PDE8B: variants seen among roughly 807,000 people sequenced by gnomAD.
The protein encoded by PDE8B is phosphodiesterase 8B.
In PDE8B, 26 loss-of-function variants were observed where a neutral mutation model predicts 101.3. The observed-to-expected ratio is 0.26, with a 90% CI of 0.19 to 0.36. The LOEUF is 0.36. Among genes scored for constraint, PDE8B ranks in the 10% least tolerant of loss-of-function variants. The probability of loss-of-function intolerance (pLI) is 1.00; values close to 1 mark genes in which losing one functional copy is unlikely to be tolerated. For synonymous variants in PDE8B, 424 were observed against 429.3 expected (o/e 0.99, Z 0.15); for missense variants, 810 against 1,163.1 (o/e 0.70, Z 4.42).
intron 10 of PDE8B, among the ~76,000 whole-genome samples, chr5:77,397,778 C>T (rs1791384949): frequency 6.6e-6 from 1 of 152,122 alleles, no homozygotes; most frequent in Non-Finnish European, 1.5e-5. Context: ...ATGAGTAGCC[C>T]TTATAGTAGT....
the PDE8B span, chr5:77,104,768 G>A: frequency 6.6e-6 from 1 of 152,146 alleles, no homozygotes; most frequent in African/African-American, 2.4e-5. Context: ...GTGTTTTTTT[G>A]GTTTTTGGTT....
the PDE8B span, among the ~76,000 whole-genome samples, chr5:77,123,360 C>CA: frequency 2.0e-5 from 3 of 148,294 alleles, no homozygotes; most frequent in Admixed American, 1.3e-4. Context: ...AATTCCTCCC[C>CA]CACCGCCCCC....
At position 77,378,049 on chromosome 5, in the gene PDE8B, C is replaced by CACACACACACACACAT. The variant is rs1554093056; in HGVS notation, c.1168-22199_1168-22198insACACACACACACACAT. 4.2e-3 allele frequency among the ~76,000 whole-genome samples: 625 copies of CACACACACACACACAT among 148,478 alleles called. 15 individuals are homozygous for CACACACACACACACAT. The highest frequency in any genetic ancestry group is 0.015 in the African/African-American group (599 of 39,742). On this transcript the variant is annotated intron_variant, in intron 10 of 21. Transcript: ENST00000264917. The stretch of plus-strand genomic sequence containing the variant: ...ACACACACACACACACACACACACA[C>CACACACACACACACAT]CCCCTGTTGGTTCTTTGTCTAGAGA...
chr5:77,150,226 A>G, the PDE8B span, among the ~76,000 whole-genome samples: 1 of 152,154 alleles, frequency 6.6e-6, no homozygotes, highest in Non-Finnish European at 1.5e-5. Context: ...CATATTTTCA[A>G]GGTAATACTC....
chr5:77,382,435 CT>C (rs1207928491), intron 10 of PDE8B, among the ~76,000 whole-genome samples: 2 of 152,044 alleles, frequency 1.3e-5, no homozygotes, highest in Non-Finnish European at 2.9e-5. Flanking sequence ...AGGTTTTTAA[CT>C]TTTTTTTAAT....
At chr5:77,229,700 G>C (rs1199767074) in intron 1 of PDE8B, among the ~76,000 whole-genome samples, 2 of 152,164 alleles carry the variant, frequency 1.3e-5, no homozygotes, top group African/African-American at 4.8e-5. Flanking sequence ...CAATATGTAG[G>C]GTTTGTGTCT....
At chr5:77,344,351 G>T (rs112421715) in intron 6 of PDE8B, among the ~76,000 whole-genome samples, 11 of 152,196 alleles carry the variant, frequency 7.2e-5, no homozygotes, top group African/African-American at 2.7e-4. Flanking sequence ...TTATAATCTC[G>T]CAGGACCACC....
At chr5:77,390,244 GT>G (rs1789629255) in intron 10 of PDE8B, among the ~76,000 whole-genome samples, 1 of 152,166 alleles carries the variant, frequency 6.6e-6, no homozygotes, top group South Asian at 2.1e-4. Context: ...AAAATCAGAT[GT>G]TTGTAAACAA....
Position 77,210,961 on chromosome 5 carries a change from C to A in PDE8B, c.36C>A (p.Ser12Arg). ...CCCCCAGCATCCATGTCTCGCAGAG[C>A]GGCGTGATCTACTGCCGGGACTCGG... is the stretch of plus-strand genomic sequence containing the variant. ...GCAPSIHVSQ[S>R]GVIYCRDSDE... The change falls in exon 1 of 22, where the codon AGC becomes AGA. Residue 12 changes from serine to arginine, a missense_variant. By Grantham distance (110) the Ser-to-Arg change is moderately radical (BLOSUM62 -1). This residue lies in a region of PDE8B where 159 missense variants were observed against 146.6 expected (regional missense o/e 1.08). Coordinates refer to ENST00000264917, the MANE Select transcript of PDE8B (RefSeq NM_003719.5). This position sits in a 1 kb window ranked among gnomAD's most constrained non-coding sequence, Gnocchi z 4.9. 4 of 1,525,010 alleles carry A rather than the reference C, an allele frequency of 2.6e-6. No individual in the cohort carries two copies. In the South Asian group the frequency reaches 3.6e-5, roughly 14 times the overall value. The allele number at this position is 1,525,010 out of a possible 1,614,324, so 94.5% of individuals were successfully genotyped here.
intron 11 of PDE8B, among the ~76,000 whole-genome samples, chr5:77,401,009 C>G (rs990772244): frequency 4.6e-5 from 7 of 152,152 alleles, no homozygotes; most frequent in Non-Finnish European, 1.0e-4. Context: ...AGTCTCTCTT[C>G]TTGGTGAGGT....
At chr5:77,382,969 G>A (rs1225465464) in intron 10 of PDE8B, among the ~76,000 whole-genome samples, 2 of 152,102 alleles carry the variant, frequency 1.3e-5, no homozygotes, top group Non-Finnish European at 2.9e-5. Context: ...GGGATGGCTG[G>A]GTCAAATGAT....
intron 1 of PDE8B, among the ~76,000 whole-genome samples, chr5:77,278,191 C>A (rs955683481): frequency 6.6e-6 from 1 of 152,198 alleles, no homozygotes; most frequent in African/African-American, 2.4e-5. Flanking sequence ...AGGTAAACGT[C>A]TCCCAGCTTC....
chr5:77,233,817 T>G (rs1189360629), intron 1 of PDE8B, among the ~76,000 whole-genome samples: 1 of 151,766 alleles, frequency 6.6e-6, no homozygotes, highest in African/African-American at 2.4e-5. Context: ...TTTTTTAATT[T>G]AAGGGGAAAA....
At chr5:77,109,938 T>TTTG in the PDE8B span, among the ~76,000 whole-genome samples, 1 of 114,866 alleles carries the variant, frequency 8.7e-6, no homozygotes, top group African/African-American at 3.7e-5. Context: ...TTTTTTTTTT[T>TTTG]TTTTTTTTTT....
Position 77,344,951 on chromosome 5 carries a change from C to T in PDE8B, c.876+20C>T. 1 of 1,500,622 alleles carries T rather than the reference C, an allele frequency of 6.7e-7. No individual in the cohort carries two copies. The highest frequency in any genetic ancestry group is 1.7e-5 in the Admixed American group (1 of 59,880). The allele number at this position is 1,500,622 out of a possible 1,614,324, so 93.0% of individuals were successfully genotyped here. A position where few individuals can be genotyped will look rare whatever the true frequency, so the allele number is the denominator to read the frequency against. On this transcript the variant is annotated intron_variant, in intron 7 of 21. Transcript: ENST00000264917. Reference sequence around the variant, plus strand: ...ATTCAGGTATGGAAAGAAACCACCTCTATCATTAACATTCAAAATGAACCT... The same window carrying T: ...ATTCAGGTATGGAAAGAAACCACCTTTATCATTAACATTCAAAATGAACCT...
chr5:77,320,314 C>T (rs542183078), intron 2 of PDE8B, among the ~76,000 whole-genome samples: 3 of 152,288 alleles, frequency 2.0e-5, no homozygotes, highest in South Asian at 4.1e-4. Flanking sequence ...TGAGGATTGC[C>T]GATAGCTATG....
chr5:77,367,563 G>A (rs1268378267), intron 10 of PDE8B, among the ~76,000 whole-genome samples: 2 of 126,710 alleles, frequency 1.6e-5, no homozygotes, highest in African/African-American at 3.0e-5. Flanking sequence ...ACAGAGTCTC[G>A]CTCTGTCACC....
intron 8 of PDE8B, among the ~76,000 whole-genome samples, chr5:77,349,826 A>C (rs1354499994): frequency 6.6e-6 from 1 of 152,162 alleles, no homozygotes; most frequent in African/African-American, 2.4e-5. Context: ...CCATTGCTGG[A>C]ATATCGTGGG....
At chr5:77,162,840 T>C in the PDE8B span, among the ~76,000 whole-genome samples, 402 of 152,290 alleles carry the variant, frequency 2.6e-3, 2 homozygotes, top group Middle Eastern at 0.01. Flanking sequence ...AATTTGTAAA[T>C]TGCCTTTCTC....
Sources: gnomAD v4.1 joint callset for allele counts (sites outside exome capture counted in the v4.1 genomes callset) on GRCh38, gnomAD v4.1.1 for gene constraint, gnomAD v4.1.1 regional missense constraint, Gnocchi (gnomAD v3.1) non-coding constraint, MANE v1.5 for transcripts, NCBI Gene and HGNC (gene_info 2026-07-23, HGNC 2026-07-21) for gene names.